The following ADGRL3 variants were observed in gnomAD, a reference collection of about 807,000 sequenced individuals.
ADGRL3 encodes adhesion G protein-coupled receptor L3.
A neutral mutation model predicts 153.5 loss-of-function variants in ADGRL3; 62 were observed. That is an observed-to-expected ratio of 0.40 (90% confidence interval 0.33 to 0.50). The LOEUF is 0.50. ADGRL3 is among the 20% of genes least tolerant of loss of function. ADGRL3 has a pLI of 0.47. For synonymous variants in ADGRL3, 710 were observed against 672.5 expected, an observed-to-expected ratio of 1.06 and a Z score of -0.86; for missense variants, 1,641 against 1,859.4, an observed-to-expected ratio of 0.88 and a Z score of 2.16.
chr4:61,480,470 A>C (rs2098120126), intron 2 of ADGRL3, among the ~76,000 whole-genome samples: 1 of 151,332 alleles, frequency 6.6e-6, no homozygotes. Context: ...ATTCCATAGC[A>C]AAAAAAAATT....
At chr4:61,509,193 T>C (rs934388264) in intron 3 of ADGRL3, among the ~76,000 whole-genome samples, 2 of 148,716 alleles carry the variant, frequency 1.3e-5, no homozygotes, top group Admixed American at 1.4e-4. Context: ...AATGGCACGA[T>C]CTCGGCTCAC....
chr4:61,552,025 T>C (rs908673740), intron 4 of ADGRL3, among the ~76,000 whole-genome samples: 6 of 152,178 alleles, frequency 3.9e-5, no homozygotes, highest in Non-Finnish European at 8.8e-5. Flanking sequence ...AACATTTTAT[T>C]AGATGGATTA....
intron 13 of ADGRL3, among the ~76,000 whole-genome samples, chr4:61,923,061 A>G (rs2098777594): frequency 6.6e-6 from 1 of 152,200 alleles, no homozygotes; most frequent in African/African-American, 2.4e-5. Context: ...AGGTCACCCA[A>G]GGCCAAGATG....
At chr4:61,963,289 G>T (rs1254249096) in intron 17 of ADGRL3, among the ~76,000 whole-genome samples, 3 of 151,224 alleles carry the variant, frequency 2.0e-5, no homozygotes, top group African/African-American at 7.3e-5. Flanking sequence ...AGGTTCAGGG[G>T]ATACATGTGC....
At chr4:62,006,412 T>G (rs1174437607) in intron 21 of ADGRL3, among the ~76,000 whole-genome samples, 1 of 151,984 alleles carries the variant, frequency 6.6e-6, no homozygotes, top group Non-Finnish European at 1.5e-5. Context: ...TGGTTATTAC[T>G]GAAATGCAGA....
chr4:61,814,546 G>A (rs2097666589), intron 9 of ADGRL3, among the ~76,000 whole-genome samples: 1 of 152,000 alleles, frequency 6.6e-6, no homozygotes, highest in Non-Finnish European at 1.5e-5. Context: ...CTGATATGTG[G>A]ACATGCTTTT....
intron 5 of ADGRL3, among the ~76,000 whole-genome samples, chr4:61,650,482 G>A (rs972407908): frequency 2.6e-5 from 4 of 151,938 alleles, no homozygotes; most frequent in African/African-American, 4.8e-5. Context: ...CATATTTTTC[G>A]TAATGACATA....
At chr4:61,827,122 A>G (rs2097814453) in intron 9 of ADGRL3, among the ~76,000 whole-genome samples, 1 of 152,194 alleles carries the variant, frequency 6.6e-6, no homozygotes, top group African/African-American at 2.4e-5. Context: ...GCAGCATCTC[A>G]AGGAACACAT....
chr4:61,992,666 C>T (rs1489919725), intron 19 of ADGRL3, among the ~76,000 whole-genome samples: 1 of 152,128 alleles, frequency 6.6e-6, no homozygotes, highest in African/African-American at 2.4e-5. Flanking sequence ...TTGCCTCTTT[C>T]ACTGTTCAAT....
Position 61,517,310 on chromosome 4 carries a change from C to T in ADGRL3, c.56-5C>T, listed in dbSNP as rs2098502515. The T allele has an allele frequency of 1.4e-6, 1 of 702,372 alleles. No individual in the cohort carries two copies. Among genetic ancestry groups the T allele is most frequent in the African/African-American group, 1.7e-5 (1 of 57,240 alleles). 43.5% of individuals were successfully genotyped at this position (702,372 alleles called of 1,614,324 possible). On this transcript the variant is annotated splice_region_variant and splice_polypyrimidine_tract_variant and intron_variant, in intron 3 of 26. Coordinates refer to ENST00000683033, the MANE Select transcript of ADGRL3 (RefSeq NM_001387552.1). ...GTCTGATGGTGCGCCCTGCGGTCCC[C>T]GCAGGTGGCAAGCACAGTGAACGAC...
intron 9 of ADGRL3, among the ~76,000 whole-genome samples, chr4:61,858,396 G>C: frequency 6.6e-6 from 1 of 152,268 alleles, no homozygotes; most frequent in East Asian, 1.9e-4. Context: ...GCCGAGGCAG[G>C]TGGATCACCA....
intron 9 of ADGRL3, among the ~76,000 whole-genome samples, chr4:61,815,051 G>C (rs1427165818): frequency 6.6e-6 from 1 of 152,106 alleles, no homozygotes; most frequent in Non-Finnish European, 1.5e-5. Flanking sequence ...TGACAGTGAA[G>C]GTGACCGCCT....
chr4:61,897,168 A>T (rs1336244240), intron 11 of ADGRL3, among the ~76,000 whole-genome samples: 1 of 152,126 alleles, frequency 6.6e-6, no homozygotes, highest in Non-Finnish European at 1.5e-5. Flanking sequence ...TATGGACAGG[A>T]TGTTTTTGTT....
chr4:61,769,212 C>T (rs946380699), intron 8 of ADGRL3, among the ~76,000 whole-genome samples: 20 of 152,010 alleles, frequency 1.3e-4, no homozygotes, highest in South Asian at 4.1e-4. Context: ...CTTCCCAGTC[C>T]GTGACTGGCG....
chr4:61,523,954 C>G (rs904800637), intron 4 of ADGRL3, among the ~76,000 whole-genome samples: 1 of 151,926 alleles, frequency 6.6e-6, no homozygotes, highest in African/African-American at 2.4e-5. Flanking sequence ...ACTTAGTGCT[C>G]AAAACATTTT....
intron 25 of ADGRL3, among the ~76,000 whole-genome samples, chr4:62,058,691 CT>C: frequency 6.6e-6 from 1 of 152,230 alleles, no homozygotes; most frequent in South Asian, 2.1e-4. Context: ...GTAAGCCCAA[CT>C]TTTCAGCTGA....
chr4:61,763,277 T>C (rs2096934828), intron 8 of ADGRL3, among the ~76,000 whole-genome samples: 1 of 151,242 alleles, frequency 6.6e-6, no homozygotes, highest in Non-Finnish European at 1.5e-5. Flanking sequence ...AACCTCTGCC[T>C]CCCAGGTTCA....
At chr4:61,525,944 G>T (rs139256650) in intron 4 of ADGRL3, among the ~76,000 whole-genome samples, 1 of 152,218 alleles carries the variant, frequency 6.6e-6, no homozygotes, top group East Asian at 1.9e-4. Flanking sequence ...AGTGATAAAA[G>T]TTGGCAATTT....
chr4:61,920,684 C>A (rs2098764677), intron 13 of ADGRL3, among the ~76,000 whole-genome samples: 1 of 152,146 alleles, frequency 6.6e-6, no homozygotes, highest in South Asian at 2.1e-4. Context: ...ACATGGGTTT[C>A]CATCCCCAAG....
Sources: allele counts gnomAD v4.1 joint callset (sites outside exome capture counted in the v4.1 genomes callset), GRCh38; gene constraint gnomAD v4.1.1; transcripts MANE v1.5; gene names NCBI Gene and HGNC (gene_info 2026-07-23, HGNC 2026-07-21).